NEK6: variants seen among roughly 807,000 people sequenced by gnomAD.
NEK6 encodes serine/threonine-protein kinase Nek6.
In NEK6, 27 loss-of-function variants were observed where a neutral mutation model predicts 43.5. The observed-to-expected ratio is 0.62, with a 90% CI of 0.46 to 0.86. The LOEUF is 0.86. Ranked by LOEUF, NEK6 falls within the 40% of genes least tolerant of loss-of-function variation. The pLI is 0.00. For synonymous variants in NEK6, 167 were observed against 164.1 expected, an observed-to-expected ratio of 1.02 and a Z score of -0.14; for missense variants, 318 against 414.4, an observed-to-expected ratio of 0.77 and a Z score of 2.02.
intron 1 of NEK6, among the ~76,000 whole-genome samples, chr9:124,294,180 A>G (rs1019941350): frequency 6.6e-6 from 1 of 152,236 alleles, no homozygotes; most frequent in South Asian, 2.1e-4. Flanking sequence ...AGCCTGACCA[A>G]CATGGCGAAA....
intron 2 of NEK6, among the ~76,000 whole-genome samples, chr9:124,311,412 G>C (rs1256680247): frequency 6.6e-6 from 1 of 152,124 alleles, no homozygotes; most frequent in East Asian, 1.9e-4. Context: ...CTCACCATAG[G>C]GCAGGCCAGA....
chr9:124,280,348 C>T (rs747197003), intron 1 of NEK6, among the ~76,000 whole-genome samples: 3 of 152,228 alleles, frequency 2.0e-5, no homozygotes, highest in Non-Finnish European at 4.4e-5. Context: ...GAGTTGAAAT[C>T]GGGGCCTGGA....
intron 1 of NEK6, 112 bp from the exon 2 acceptor site, chr9:124,301,824 T>C: frequency 1.2e-6 from 1 of 860,508 alleles, no homozygotes; most frequent in African/African-American, 1.7e-5. Flanking sequence ...GGCAAATTAC[T>C]GAACGGCTTT....
In NEK6 at chr9:124,312,626, A is replaced by T. The variant is rs775022069; in HGVS notation, c.208A>T (p.Thr70Ser). The T allele has an allele frequency of 1.9e-6, 3 of 1,613,426 alleles. No individual in the cohort carries two copies. The African/African-American group carries it at 4.0e-5, about 22-fold the overall frequency. ...GGCCACCTGCCTGCTGGACAGGAAG[A>T]CAGTGGCTCTGAAGAAGGTGCAGGT... ...YKATCLLDRKTVALKKVQIFE... is the reference protein window; with the variant it reads ...YKATCLLDRKSVALKKVQIFE... Residue 70 changes from threonine to serine, a missense_variant, in exon 3 of 10, where the codon ACA (threonine) becomes TCA (serine). By Grantham distance (58) the Thr-to-Ser change is moderately conservative. Around this residue, in one of 2 missense-constraint regions of NEK6, gnomAD observed 239 missense variants for 344.4 expected, o/e 0.69. Transcript: ENST00000320246.
intron 2 of NEK6, among the ~76,000 whole-genome samples, chr9:124,307,111 G>A (rs1472924988): frequency 7.0e-6 from 1 of 143,284 alleles, no homozygotes; most frequent in Non-Finnish European, 1.5e-5. Context: ...CTTTTAGCAT[G>A]TAATTTTATG....
intron 7 of NEK6, among the ~76,000 whole-genome samples, chr9:124,334,069 G>T (rs985383051): frequency 6.6e-6 from 1 of 152,178 alleles, no homozygotes; most frequent in South Asian, 2.1e-4. Context: ...GAGCCACCAC[G>T]CCCGGCCCAA....
rs796310915 is a variant in NEK6 at position 124,274,307 on chromosome 9, A to T, written c.-30+16222A>T. ...TGTGAACGGGGCTTGACACCTGTGT[A>T]CCACAGCCCCTTGACTTCAGAAGAA... On this transcript the variant is annotated intron_variant, in intron 1 of 9. Transcript: ENST00000320246. Among the ~76,000 whole-genome samples the T allele has an allele frequency of 5.9e-5, 9 of 152,372 alleles. No individual in the cohort carries two copies. The East Asian group carries it at 7.7e-4, about 13-fold the overall frequency.
intron 1 of NEK6, among the ~76,000 whole-genome samples, chr9:124,274,249 T>C (rs1564616289): frequency 6.6e-6 from 1 of 152,262 alleles, no homozygotes; most frequent in African/African-American, 2.4e-5. Flanking sequence ...TGAGCCTCGC[T>C]GTGGCAGGGC....
chr9:124,264,439 G>A (rs1009302391), intron 1 of NEK6, among the ~76,000 whole-genome samples: 4 of 152,172 alleles, frequency 2.6e-5, no homozygotes, highest in Admixed American at 2.0e-4. Flanking sequence ...CACCCTTGGG[G>A]GTGATCTGCC....
intron 3 of NEK6, among the ~76,000 whole-genome samples, chr9:124,313,559 G>T (rs1833655914): frequency 6.6e-6 from 1 of 152,122 alleles, no homozygotes; most frequent in African/African-American, 2.4e-5. Context: ...GTAGAGACGG[G>T]GTTTCACCAT....
chr9:124,308,656 CAAA>C (rs1374130698), intron 2 of NEK6, among the ~76,000 whole-genome samples: 4 of 82,272 alleles, frequency 4.9e-5, no homozygotes, highest in Admixed American at 2.7e-4. Flanking sequence ...AACTCTATCT[CAAA>C]AAAAAAAAAA....
At chr9:124,331,780 G>A (rs1011455683) in intron 7 of NEK6, among the ~76,000 whole-genome samples, 11 of 152,220 alleles carry the variant, frequency 7.2e-5, no homozygotes, top group African/African-American at 2.2e-4. Flanking sequence ...GTGGATGGAC[G>A]ACCTTCATGG....
At chr9:124,307,205 G>C (rs1033951756) in intron 2 of NEK6, among the ~76,000 whole-genome samples, 1 of 152,098 alleles carries the variant, frequency 6.6e-6, no homozygotes. Context: ...GCGCAGGGTG[G>C]GGGGTGTTTG....
At chr9:124,329,728 A>G (rs1358729169) in intron 7 of NEK6, among the ~76,000 whole-genome samples, 1 of 152,352 alleles carries the variant, frequency 6.6e-6, no homozygotes, top group East Asian at 1.9e-4. Context: ...TAGAATGGTG[A>G]CAGTGCCAAG....
chr9:124,288,489 G>A (rs545778423), intron 1 of NEK6, among the ~76,000 whole-genome samples: 2 of 152,118 alleles, frequency 1.3e-5, no homozygotes, highest in Admixed American at 1.3e-4. Context: ...TTGCCATGTT[G>A]GCCAGGCTGG....
rs948188441 is a variant in NEK6 at position 124,333,966 on chromosome 9, A to G, written c.623-5605A>G. Among the ~76,000 whole-genome samples, 24 of 151,748 alleles carry G rather than the reference A, an allele frequency of 1.6e-4. 3 individuals are homozygous for G. Among genetic ancestry groups the G allele is most frequent in the Admixed American group, 7.9e-4 (12 of 15,254 alleles). On this transcript the variant is annotated intron_variant, in intron 7 of 9. Transcript: ENST00000320246. ...CTGATTTTTTAAATTTTTAGTAGAG[A>G]TGGGGTTTCACCATGTTAGCCAGGA...
Position 124,350,827 on chromosome 9 carries a change from T to C in NEK6, c.832-10T>C. ...TTCTTGAGAATAACACACCATTCTCTCCCCTGCAGTTACGAGAACTGGTCA... is the reference window on the plus strand; with the variant it reads ...TTCTTGAGAATAACACACCATTCTCCCCCCTGCAGTTACGAGAACTGGTCA... On this transcript the variant is annotated splice_polypyrimidine_tract_variant and intron_variant, in intron 9 of 9. Coordinates refer to ENST00000320246, the MANE Select transcript of NEK6 (RefSeq NM_014397.6). The C allele has an allele frequency of 6.3e-7, 1 of 1,597,106 alleles. No homozygotes were observed.
At chr9:124,271,130 C>G (rs1021312136) in intron 1 of NEK6, among the ~76,000 whole-genome samples, 20 of 152,272 alleles carry the variant, frequency 1.3e-4, no homozygotes, top group African/African-American at 4.8e-4. Context: ...TCCGGAGCCT[C>G]TGGTGCCAAA....
chr9:124,298,223 C>G (rs374514784), intron 1 of NEK6, among the ~76,000 whole-genome samples: 1 of 151,984 alleles, frequency 6.6e-6, no homozygotes, highest in Non-Finnish European at 1.5e-5. Flanking sequence ...CCTTCCCCCT[C>G]GCGCCTCCCC....
Sources: gnomAD v4.1 joint callset for allele counts (sites outside exome capture counted in the v4.1 genomes callset) on GRCh38, gnomAD v4.1.1 for gene constraint, gnomAD v4.1.1 regional missense constraint, MANE v1.5 for transcripts, NCBI Gene and HGNC (gene_info 2026-07-23, HGNC 2026-07-21) for gene names.